The following CRACR2A variants were observed in gnomAD, a reference collection of about 807,000 sequenced individuals.
The protein encoded by CRACR2A is EF-hand calcium-binding domain-containing protein 4B.
Under a neutral mutation model 90.5 loss-of-function variants are expected in CRACR2A, and 79 were observed. That is an observed-to-expected ratio of 0.87 (90% confidence interval 0.73 to 1.05). The LOEUF is 1.05. CRACR2A is among the 50% of genes least tolerant of loss of function. The pLI is 0.00. For missense variants in CRACR2A, 823 were observed against 897.2 expected, an observed-to-expected ratio of 0.92 and a Z score of 1.06; for synonymous variants, 338 against 356.7, an observed-to-expected ratio of 0.95 and a Z score of 0.59.
intron 3 of CRACR2A, among the ~76,000 whole-genome samples, chr12:3,701,626 G>C (rs1945835586): frequency 6.6e-6 from 1 of 152,076 alleles, no homozygotes. Context: ...AGGAGAGATA[G>C]ATTACATGAA....
intron 4 of CRACR2A, among the ~76,000 whole-genome samples, chr12:3,685,726 G>C (rs1945539836): frequency 6.6e-6 from 1 of 152,212 alleles, no homozygotes; most frequent in South Asian, 2.1e-4. Flanking sequence ...CAGGGGCTGG[G>C]AGTGGGCGAA....
At chr12:3,623,887 A>G (rs974210998) in intron 17 of CRACR2A, among the ~76,000 whole-genome samples, 1 of 152,196 alleles carries the variant, frequency 6.6e-6, no homozygotes, top group Non-Finnish European at 1.5e-5. Flanking sequence ...TCTGGGCTGG[A>G]AGGACCCTCC....
Position 3,641,722 on chromosome 12 carries a change from G to C in CRACR2A, c.1271+10C>G. On this transcript the variant is annotated intron_variant, in intron 13 of 19. Transcript: ENST00000440314. ...AGGAATGAAGGGATGAGCAAGTGGA[G>C]ATGACTTACCTCCTAAGAATCCCTC... 6.4e-7 allele frequency: 1 copy of C among 1,550,512 alleles called. No individual in the cohort carries two copies. Among genetic ancestry groups the C allele is most frequent in the Non-Finnish European group, 8.7e-7 (1 of 1,146,002 alleles).
intron 1 of CRACR2A, among the ~76,000 whole-genome samples, chr12:3,747,816 C>T (rs900124278): frequency 4.6e-5 from 7 of 152,200 alleles, no homozygotes; most frequent in African/African-American, 1.4e-4. Context: ...ACGTGTGCTA[C>T]GTCTCACCCT....
At position 3,638,204 on chromosome 12, in the gene CRACR2A, G is replaced by T. The variant is rs1307355513; in HGVS notation, c.1522C>A (p.Gln508Lys). 1 of 1,551,626 alleles carries T rather than the reference G, an allele frequency of 6.4e-7. No individual in the cohort carries two copies. Among genetic ancestry groups the T allele is most frequent in the South Asian group, 1.2e-5 (1 of 84,058 alleles). Residue 508 changes from glutamine to lysine, a missense_variant, in exon 14 of 20, where the codon CAA (glutamine) becomes AAA (lysine). Coordinates refer to ENST00000440314, the MANE Select transcript of CRACR2A (RefSeq NM_001144958.2). Reference protein sequence around the residue: ...EEVSDQGVQGQIPEAPPLKLT... With the variant: ...EEVSDQGVQGKIPEAPPLKLT... ...TTCAAGGGTGGGGCCTCCGGGATTT[G>T]TCCCTGTACCCCCTGGTCAGAGACC...
intron 4 of CRACR2A, among the ~76,000 whole-genome samples, chr12:3,684,670 T>C (rs1945521515): frequency 6.6e-6 from 1 of 152,236 alleles, no homozygotes; most frequent in South Asian, 2.1e-4. Flanking sequence ...AGGCGTATAA[T>C]TCCACTTGTT....
Position 3,654,318 on chromosome 12 carries a change from C to G in CRACR2A, c.940G>C (p.Glu314Gln). The change falls in exon 10 of 20, where the codon GAG becomes CAG. Residue 314 changes from glutamate to glutamine, a missense_variant. By Grantham distance (29) the Glu-to-Gln change is conservative. Coordinates refer to ENST00000440314, the MANE Select transcript of CRACR2A (RefSeq NM_001144958.2). ...ENTKLKLTNQ[E>Q]LARELERTSW... ...GTCCGCTCCAGCTCCCGGGCCAGCT[C>G]CTGGTTAGTGAGTTTCAGCTTGGTA... 1 of 1,614,070 alleles carries G rather than the reference C, an allele frequency of 6.2e-7. No individual in the cohort carries two copies. The highest frequency in any genetic ancestry group is 2.2e-5 in the East Asian group (1 of 44,874).
chr12:3,721,585 CAAA>C (rs60808773), intron 2 of CRACR2A, among the ~76,000 whole-genome samples: 2 of 113,720 alleles, frequency 1.8e-5, no homozygotes. Context: ...AATCATGTCT[CAAA>C]AAAAAAAAAA....
At position 3,640,907 on chromosome 12, in the gene CRACR2A, T is replaced by G. The variant is rs1591648132; in HGVS notation, c.1271+825A>C. 7 of 1,039,854 alleles carry G rather than the reference T, an allele frequency of 6.7e-6. No homozygotes were observed. The African/African-American group carries it at 8.4e-5, about 13-fold the overall frequency. The allele number at this position is 1,039,854 out of a possible 1,614,324, so 64.4% of individuals were successfully genotyped here. Reference sequence around the variant, plus strand: ...GCTGCCCAAGAGCAACAAAATGTGTTATGTTTGAGTTAATTAAATATAGGT... The same window carrying G: ...GCTGCCCAAGAGCAACAAAATGTGTGATGTTTGAGTTAATTAAATATAGGT... On this transcript the variant is annotated intron_variant, in intron 13 of 19. Coordinates refer to ENST00000440314, the MANE Select transcript of CRACR2A (RefSeq NM_001144958.2).
At chr12:3,720,999 T>C (rs1478877303) in intron 2 of CRACR2A, among the ~76,000 whole-genome samples, 1 of 152,182 alleles carries the variant, frequency 6.6e-6, no homozygotes, top group Non-Finnish European at 1.5e-5. Context: ...TGTTGAATTA[T>C]TATGGATTTT....
chr12:3,715,637 T>C (rs1946072608), intron 2 of CRACR2A, among the ~76,000 whole-genome samples: 1 of 152,134 alleles, frequency 6.6e-6, no homozygotes, highest in Non-Finnish European at 1.5e-5. Context: ...AAAGTAAAGG[T>C]TAAACCAGAC....
chr12:3,732,746 A>T (rs1946380892), intron 2 of CRACR2A, 196 bp downstream of exon 2: 1 of 152,256 alleles, frequency 6.6e-6, no homozygotes. Context: ...AGCAAAAAAC[A>T]TGAGATCCAG....
intron 6 of CRACR2A, among the ~76,000 whole-genome samples, chr12:3,677,577 C>T (rs1014359941): frequency 6.6e-6 from 1 of 152,230 alleles, no homozygotes; most frequent in South Asian, 2.1e-4. Flanking sequence ...ACCTGCACTG[C>T]CTTCTCCTTC....
chr12:3,691,088 T>G (rs1443571133), intron 4 of CRACR2A, among the ~76,000 whole-genome samples: 3 of 152,140 alleles, frequency 2.0e-5, no homozygotes, highest in Non-Finnish European at 4.4e-5. Context: ...TACCAATGGG[T>G]CTTGGTTCTT....
Position 3,711,436 on chromosome 12 carries a change from T to C in CRACR2A, c.-37+1801A>G, listed in dbSNP as rs1946004748. ...TTCATCACTTGCAGGTTCTACCTTC[T>C]ACAAAACACTGATGTGAGCACAACT... On this transcript the variant is annotated intron_variant, in intron 3 of 19. Transcript: ENST00000440314. This position sits in a 1 kb window ranked among gnomAD's most constrained non-coding sequence, Gnocchi z 4.3. 1.3e-5 allele frequency among the ~76,000 whole-genome samples: 2 copies of C among 152,252 alleles called. No homozygotes were observed. The highest frequency in any genetic ancestry group is 4.8e-5 in the African/African-American group (2 of 41,468).
At chr12:3,751,939 G>A (rs376715465) in intron 1 of CRACR2A, among the ~76,000 whole-genome samples, 1 of 152,204 alleles carries the variant, frequency 6.6e-6, no homozygotes, top group African/African-American at 2.4e-5. Context: ...CTGAAAAGGG[G>A]CATGAACTCT....
At chr12:3,619,651 TTAGA>T (rs1311297376) in intron 17 of CRACR2A, among the ~76,000 whole-genome samples, 1 of 152,198 alleles carries the variant, frequency 6.6e-6, no homozygotes, top group Non-Finnish European at 1.5e-5. Context: ...TCCTTGGATC[TTAGA>T]TGGAACAGCA....
rs1944409110 is a variant in CRACR2A at position 3,633,491 on chromosome 12, C to A, written c.1735+113G>T. 1 of 1,424,180 alleles carries A rather than the reference C, an allele frequency of 7.0e-7. No homozygotes were observed. The highest frequency in any genetic ancestry group is 1.4e-5 in the African/African-American group (1 of 70,402). 88.2% of individuals were successfully genotyped at this position (1,424,180 alleles called of 1,614,324 possible). A position where few individuals can be genotyped will look rare whatever the true frequency, so the allele number is the denominator to read the frequency against. On this transcript the variant is annotated intron_variant, in intron 15 of 19. Coordinates refer to ENST00000440314, the MANE Select transcript of CRACR2A (RefSeq NM_001144958.2). The surrounding 1 kb of genome is among the most constrained non-coding windows in gnomAD (Gnocchi z 4.5). Reference sequence around the variant, plus strand: ...AGCAGACACCAGTATCCCTACTGGCCAATCCCCATGGCCCTTCCCATGGGC... The same window carrying A: ...AGCAGACACCAGTATCCCTACTGGCAAATCCCCATGGCCCTTCCCATGGGC...
At chr12:3,716,095 A>G (rs546578891) in intron 2 of CRACR2A, among the ~76,000 whole-genome samples, 1 of 151,690 alleles carries the variant, frequency 6.6e-6, no homozygotes, top group East Asian at 1.9e-4. Context: ...TTTTCTTCTA[A>G]TGCTTTGGCT....
Sources: allele counts gnomAD v4.1 joint callset (sites outside exome capture counted in the v4.1 genomes callset), GRCh38; gene constraint gnomAD v4.1.1; non-coding constraint Gnocchi (gnomAD v3.1); transcripts MANE v1.5; gene names NCBI Gene and HGNC (gene_info 2026-07-23, HGNC 2026-07-21).